Variants in ZNF264 observed in about 807,000 individuals in gnomAD.
ZNF264 encodes zinc finger protein 264.
A neutral mutation model predicts 11.2 loss-of-function variants in ZNF264; 11 were observed. That is an observed-to-expected ratio of 0.98 (90% CI 0.62 to 1.63). The LOEUF (loss-of-function observed/expected upper bound fraction) is 1.63. Among genes scored for constraint, ZNF264 ranks in the 40% most tolerant of loss-of-function variants. ZNF264 has a pLI of 0.00. For synonymous variants in ZNF264, 309 were observed against 279.8 expected, an observed-to-expected ratio of 1.10 and a Z score of -1.04; for missense variants, 752 against 768.1, an observed-to-expected ratio of 0.98 and a Z score of 0.25.
Position 57,197,140 on chromosome 19 carries a change from T to C in ZNF264, c.160+3139T>C, listed in dbSNP as rs7257105. Among the ~76,000 whole-genome samples, 134 of 151,900 alleles carry C rather than the reference T, an allele frequency of 8.8e-4. 3 individuals are homozygous for C. Among genetic ancestry groups the C allele is most frequent in the African/African-American group, 2.8e-3 (115 of 41,246 alleles). On this transcript the variant is annotated intron_variant, in intron 2 of 3. Coordinates refer to ENST00000263095, the MANE Select transcript of ZNF264 (RefSeq NM_003417.5). ...TTCCCATGAGGCCATCGGTGCAGGC[T>C]GGGGGAGAGAAGGTGGGGTGGCAGG...
intron 1 of ZNF264, among the ~76,000 whole-genome samples, chr19:57,192,973 C>G (rs144238585): frequency 1.3e-5 from 2 of 152,120 alleles, no homozygotes; most frequent in Middle Eastern, 3.2e-3. Context: ...TCAAGCGATC[C>G]GCCCACCTCG....
rs148069642 is a variant in ZNF264 at position 57,197,606 on chromosome 19, C to T, written c.160+3605C>T. ...AGACCTGCCTGTTGCAGAGCCTTCT[C>T]CTGTTCTGGATCCCACTCAAAACTG... On this transcript the variant is annotated intron_variant, in intron 2 of 3. Coordinates refer to ENST00000263095, the MANE Select transcript of ZNF264 (RefSeq NM_003417.5). Among the ~76,000 whole-genome samples the T allele has an allele frequency of 3.2e-3, 493 of 152,032 alleles. 17 individuals carry two copies. Among genetic ancestry groups the T allele is most frequent in the African/African-American group, 0.012 (485 of 41,318 alleles).
chr19:57,192,448 T>C, intron 1 of ZNF264: 1 of 985,418 alleles, frequency 1.0e-6, no homozygotes, highest in Non-Finnish European at 1.2e-6. Context: ...GCCAGTCAGA[T>C]GCCCTTACTC....
At position 57,191,877 on chromosome 19, in the gene ZNF264, T is replaced by C. The variant is rs929114676; in HGVS notation, c.-37T>C. The C allele has an allele frequency of 6.7e-6, 9 of 1,333,736 alleles. No homozygotes were observed. The highest frequency in any genetic ancestry group is 2.1e-5 in the South Asian group (1 of 47,210). 82.6% of individuals were successfully genotyped at this position (1,333,736 alleles called of 1,614,324 possible). A position where few individuals can be genotyped will look rare whatever the true frequency, so the allele number is the denominator to read the frequency against. ...TGGGGTCCGTCAGGCCGCCCGGGGCTCCTCTGTCCCAGCTCTGCGGCCCAG... is the reference window on the plus strand; with the variant it reads ...TGGGGTCCGTCAGGCCGCCCGGGGCCCCTCTGTCCCAGCTCTGCGGCCCAG... On this transcript the variant is annotated 5_prime_UTR_variant, in exon 1 of 4. Coordinates refer to ENST00000263095, the MANE Select transcript of ZNF264 (RefSeq NM_003417.5).
intron 1 of ZNF264, chr19:57,193,398 G>A: frequency 1.2e-5 from 7 of 588,218 alleles, no homozygotes; most frequent in Non-Finnish European, 1.3e-5. Flanking sequence ...AAGGCTCAGA[G>A]AAATGAAATG....
At chr19:57,208,587 A>C (rs2087311179) in intron 3 of ZNF264, among the ~76,000 whole-genome samples, 2 of 152,148 alleles carry the variant, frequency 1.3e-5, no homozygotes, top group African/African-American at 2.4e-5. Context: ...CATGAACCAG[A>C]GGCAAAAAAA....
chr19:57,196,629 G>T (rs1399751832), intron 2 of ZNF264, among the ~76,000 whole-genome samples: 1 of 151,952 alleles, frequency 6.6e-6, no homozygotes, highest in Non-Finnish European at 1.5e-5. Context: ...GATGACAGGG[G>T]TGGCTGGGGA....
At chr19:57,192,361 C>T (rs1440237070) in intron 1 of ZNF264, 1 of 985,318 alleles carries the variant, frequency 1.0e-6, no homozygotes, top group Non-Finnish European at 1.2e-6. Flanking sequence ...TTCCTGCGGC[C>T]GCTGAGACGT....
At chr19:57,209,222 T>TA (rs2087316101) in intron 3 of ZNF264, among the ~76,000 whole-genome samples, 1 of 152,150 alleles carries the variant, frequency 6.6e-6, no homozygotes, top group Non-Finnish European at 1.5e-5. Context: ...TTGTCTTGTA[T>TA]AAAAAATGTT....
rs546580632 is a variant in ZNF264, at chr19:57,210,720, C to T, written c.257-634C>T. Among the ~76,000 whole-genome samples, 12 of 152,296 alleles carry T rather than the reference C, an allele frequency of 7.9e-5. No individual in the cohort carries two copies. The East Asian group carries it at 2.1e-3, about 27-fold the overall frequency. On this transcript the variant is annotated intron_variant, in intron 3 of 3. Coordinates refer to ENST00000263095, the MANE Select transcript of ZNF264 (RefSeq NM_003417.5). ...TTCAGCATTTAAATTATGACATAAG[C>T]CCTAACCTTCTAATCACGTGGTTTA...
chr19:57,195,087 A>G, intron 2 of ZNF264: 1 of 343,480 alleles, frequency 2.9e-6, no homozygotes, highest in Non-Finnish European at 5.2e-6. Flanking sequence ...TAACCATCAC[A>G]ACTCCATCCC....
rs370825353 is a variant in ZNF264 at position 57,191,871 on chromosome 19, C to T, written c.-43C>T. On this transcript the variant is annotated 5_prime_UTR_variant, in exon 1 of 4. Coordinates refer to ENST00000263095, the MANE Select transcript of ZNF264 (RefSeq NM_003417.5). ...CACAGGTGGGGTCCGTCAGGCCGCC[C>T]GGGGCTCCTCTGTCCCAGCTCTGCG... The T allele has an allele frequency of 1.9e-4, 248 of 1,310,352 alleles. 1 individual carries two copies. In the African/African-American group the frequency reaches 3.5e-3, roughly 19 times the overall value. 81.2% of individuals were successfully genotyped at this position (1,310,352 alleles called of 1,614,324 possible).
rs2087426430 is a variant in ZNF264 at position 57,222,584 on chromosome 19, CACAT to C, written c.*9605_*9608del. On this transcript the variant is annotated 3_prime_UTR_variant, in exon 4 of 4. Transcript: ENST00000263095. ...CCACTTCAAGCTACACACACACACACACATATACACGTGTATGAATATATATATA... is the reference window on the plus strand; with the variant it reads ...CCACTTCAAGCTACACACACACACACATACACGTGTATGAATATATATATA... The C allele has an allele frequency of 6.6e-6, 1 of 151,536 alleles. No homozygotes were observed. Among genetic ancestry groups the C allele is most frequent in the Non-Finnish European group, 1.5e-5 (1 of 67,924 alleles). The allele number at this position is 151,536 out of a possible 1,614,324, so 9.4% of individuals were successfully genotyped here.
chr19:57,205,107 A>G (rs1300699735), intron 2 of ZNF264, among the ~76,000 whole-genome samples: 1 of 152,148 alleles, frequency 6.6e-6, no homozygotes, highest in African/African-American at 2.4e-5. Flanking sequence ...TAAGACTTAG[A>G]TCAATGAAAT....
intron 3 of ZNF264, among the ~76,000 whole-genome samples, chr19:57,209,634 T>C (rs1303139613): frequency 1.3e-5 from 2 of 152,180 alleles, no homozygotes; most frequent in Non-Finnish European, 2.9e-5. Flanking sequence ...CTGGGTGCAG[T>C]GGCACAGTCA....
At chr19:57,201,358 C>T (rs1453679246) in intron 2 of ZNF264, among the ~76,000 whole-genome samples, 2 of 151,966 alleles carry the variant, frequency 1.3e-5, no homozygotes, top group Non-Finnish European at 2.9e-5. Flanking sequence ...GCAGCTGCCT[C>T]TCCCTGGTAC....
chr19:57,196,008 A>G (rs1306232954), intron 2 of ZNF264, among the ~76,000 whole-genome samples: 2 of 151,868 alleles, frequency 1.3e-5, no homozygotes, highest in African/African-American at 2.4e-5. Flanking sequence ...TGGGAGAAAC[A>G]GTACCATATA....
Position 57,191,501 on chromosome 19 carries a change from T to G in ZNF264, c.-413T>G. On this transcript the variant is annotated 5_prime_UTR_variant, in exon 1 of 4. Coordinates refer to ENST00000263095, the MANE Select transcript of ZNF264 (RefSeq NM_003417.5). ...TCCGGGTTGCTCGCTGCGGACGCCA[T>G]TTTCTTCTGCACTTCTGTCTGGAGA... The G allele has an allele frequency of 5.3e-6, 1 of 187,758 alleles. No individual in the cohort carries two copies. The highest frequency in any genetic ancestry group is 2.3e-5 in the African/African-American group (1 of 42,996). 11.6% of individuals were successfully genotyped at this position (187,758 alleles called of 1,614,324 possible). A position where few individuals can be genotyped will look rare whatever the true frequency, so the allele number is the denominator to read the frequency against.
chr19:57,199,233 G>A (rs1172017585), intron 2 of ZNF264, among the ~76,000 whole-genome samples: 2 of 151,966 alleles, frequency 1.3e-5, no homozygotes, highest in Admixed American at 6.5e-5. Context: ...TTGTAGGTGA[G>A]TGACTGAAAT....
Sources: allele counts gnomAD v4.1 joint callset (sites outside exome capture counted in the v4.1 genomes callset), GRCh38; gene constraint gnomAD v4.1.1; transcripts MANE v1.5; gene names NCBI Gene and HGNC (gene_info 2026-07-23, HGNC 2026-07-21).